Variants in ST3GAL1 observed in about 807,000 individuals in gnomAD.
ST3GAL1 encodes CMP-N-acetylneuraminate-beta-galactosamide-alpha-2,3-sialyltransferase 1.
ST3GAL1 carries 16 observed loss-of-function variants against 34.1 expected under a neutral mutation model. The observed-to-expected ratio is 0.47, with a 90% CI of 0.32 to 0.71. The LOEUF (loss-of-function observed/expected upper bound fraction) is 0.71, where lower values mean the gene tolerates loss of function less well. Among genes scored for constraint, ST3GAL1 ranks in the 30% least tolerant of loss-of-function variants. The probability of loss-of-function intolerance (pLI) is 0.04; values close to 1 mark genes in which losing one functional copy is unlikely to be tolerated. For synonymous variants in ST3GAL1, 191 were observed against 184.7 expected, an observed-to-expected ratio of 1.03 and a Z score of -0.28; for missense variants, 353 against 447.4, an observed-to-expected ratio of 0.79 and a Z score of 1.90.
intron 2 of ST3GAL1, among the ~76,000 whole-genome samples, chr8:133,524,076 G>A (rs1426300003): frequency 6.6e-6 from 1 of 152,058 alleles, no homozygotes; most frequent in Non-Finnish European, 1.5e-5. Flanking sequence ...GCCATTTCAT[G>A]GTTTTGTTAC....
chr8:133,460,493 T>C (rs1815457251), intron 9 of ST3GAL1, among the ~76,000 whole-genome samples: 1 of 152,212 alleles, frequency 6.6e-6, no homozygotes, highest in Admixed American at 6.5e-5. Flanking sequence ...ATTCATCTGG[T>C]CCAGGCGCCC....
chr8:133,477,900 C>A lies in ST3GAL1; in HGVS notation c.-373-1300G>T, dbSNP rs532940202. 3.3e-5 allele frequency among the ~76,000 whole-genome samples: 5 copies of A among 152,236 alleles called. No individual in the cohort carries two copies. The East Asian group carries it at 9.7e-4, about 29-fold the overall frequency. On this transcript the variant is annotated intron_variant, in intron 3 of 9. Coordinates refer to ENST00000522652, the MANE Select transcript of ST3GAL1 (RefSeq NM_173344.3). Reference sequence around the variant, plus strand: ...ATTAGAGTTGAAAGGAGATTGATCACCTTTTGGTAGAAAGGGGGACAGCTC... The same window carrying A: ...ATTAGAGTTGAAAGGAGATTGATCAACTTTTGGTAGAAAGGGGGACAGCTC...
intron 2 of ST3GAL1, among the ~76,000 whole-genome samples, chr8:133,543,763 G>A (rs1818599913): frequency 1.3e-5 from 2 of 151,696 alleles, no homozygotes; most frequent in Non-Finnish European, 2.9e-5. Flanking sequence ...ATAATAAGCT[G>A]GGAATGGACA....
chr8:133,564,474 T>C (rs1369310114), intron 1 of ST3GAL1, among the ~76,000 whole-genome samples: 1 of 151,746 alleles, frequency 6.6e-6, no homozygotes, highest in East Asian at 1.9e-4. Flanking sequence ...TTTAAATTTC[T>C]TGTCATTCTC....
chr8:133,497,631 C>T (rs1313403886), intron 3 of ST3GAL1, among the ~76,000 whole-genome samples: 1 of 151,922 alleles, frequency 6.6e-6, no homozygotes, highest in Non-Finnish European at 1.5e-5. Flanking sequence ...CGCCACCATG[C>T]CTGGCTAATT....
At chr8:133,536,776 C>T (rs765191064) in intron 2 of ST3GAL1, among the ~76,000 whole-genome samples, 4 of 152,206 alleles carry the variant, frequency 2.6e-5, no homozygotes, top group African/African-American at 4.8e-5. Flanking sequence ...TTTGAGTCCT[C>T]ACAGAACTCT....
chr8:133,507,577 A>T (rs1817382587), intron 2 of ST3GAL1, among the ~76,000 whole-genome samples: 1 of 152,198 alleles, frequency 6.6e-6, no homozygotes. Flanking sequence ...ATGAGATAAT[A>T]TAGGCCAAGT....
At chr8:133,485,175 G>C (rs896287046) in intron 3 of ST3GAL1, among the ~76,000 whole-genome samples, 9 of 152,188 alleles carry the variant, frequency 5.9e-5, no homozygotes, top group Non-Finnish European at 1.3e-4. Flanking sequence ...CCTAACTGCA[G>C]GGGCTGGAAG....
chr8:133,505,338 C>A (rs955507971), intron 2 of ST3GAL1, among the ~76,000 whole-genome samples: 6 of 152,076 alleles, frequency 3.9e-5, no homozygotes, highest in African/African-American at 1.4e-4. Flanking sequence ...TCACTTGCAG[C>A]CCATTATAAT....
chr8:133,537,889 T>C (rs1038339413), intron 2 of ST3GAL1, among the ~76,000 whole-genome samples: 3 of 152,206 alleles, frequency 2.0e-5, no homozygotes, highest in African/African-American at 7.2e-5. Context: ...GTCCGGTGCC[T>C]GACCTTTCTA....
rs1815718046 is a variant in ST3GAL1 at position 133,465,980 on chromosome 8, G to A, written c.417C>T (p.Cys139=). The part of the protein sequence containing the change: ...DPMLEKRSVG[C]RRCAVVGNSG... ...AGTTGCCCACAACGGCGCAGCGCCG[G>A]CAGCCCACCGACCTCTTCTCCAGCA... Residue 139 remains cysteine (C), a synonymous_variant, in exon 6 of 10, where the codon TGC becomes TGT. Coordinates refer to ENST00000522652, the MANE Select transcript of ST3GAL1 (RefSeq NM_173344.3). 46 of 1,614,068 alleles carry A rather than the reference G, an allele frequency of 2.8e-5. No homozygotes were observed. Among genetic ancestry groups the A allele is most frequent in the Non-Finnish European group, 3.7e-5 (44 of 1,180,028 alleles).
At chr8:133,552,693 C>T (rs541932405) in intron 1 of ST3GAL1, among the ~76,000 whole-genome samples, 8 of 152,168 alleles carry the variant, frequency 5.3e-5, no homozygotes, top group African/African-American at 1.9e-4. Context: ...AAGCTGTTCT[C>T]ACTTATAACC....
intron 2 of ST3GAL1, among the ~76,000 whole-genome samples, chr8:133,504,709 C>A (rs1266022354): frequency 6.6e-6 from 1 of 152,044 alleles, no homozygotes; most frequent in African/African-American, 2.4e-5. Context: ...CGAGAAGAGA[C>A]AGGGGAATTC....
intron 2 of ST3GAL1, among the ~76,000 whole-genome samples, chr8:133,539,221 G>A (rs920015399): frequency 3.3e-5 from 5 of 152,154 alleles, no homozygotes; most frequent in South Asian, 2.1e-4. Context: ...AAGTTCTTTC[G>A]CCCTGTTCCC....
intron 2 of ST3GAL1, among the ~76,000 whole-genome samples, chr8:133,505,353 G>A (rs1453728805): frequency 1.3e-5 from 2 of 152,152 alleles, no homozygotes; most frequent in South Asian, 4.1e-4. Context: ...TATAATAAAA[G>A]ATTGTGGTTC....
chr8:133,550,892 TCTCCA>T (rs1818818565), intron 1 of ST3GAL1, among the ~76,000 whole-genome samples: 1 of 152,148 alleles, frequency 6.6e-6, no homozygotes, highest in Non-Finnish European at 1.5e-5. Flanking sequence ...GAGAGTGTAT[TCTCCA>T]ATTTTGTGTC....
In ST3GAL1 at chr8:133,551,513, AGAAAGAAAGAAAGAGAAAGAAAGAGAAG is replaced by A. The variant is rs1320448415; in HGVS notation, c.-581-5615_-581-5588del. On this transcript the variant is annotated intron_variant, in intron 1 of 9. Transcript: ENST00000522652. ...AAGAGAAAGAAAGAGACAGAAAGAC[AGAAAGAAAGAAAGAGAAAGAAAGAGAAG>A]GAAAGAAAGAAAGAAAGAAAGAAAG... is the stretch of plus-strand genomic sequence containing the variant. Among the ~76,000 whole-genome samples, 61 of 145,176 alleles carry A rather than the reference AGAAAGAAAGAAAGAGAAAGAAAGAGAAG, an allele frequency of 4.2e-4. 1 individual carries two copies. The highest frequency in any genetic ancestry group is 1.5e-3 in the African/African-American group (55 of 35,652).
rs1563733857 is a variant in ST3GAL1 at position 133,540,748 on chromosome 8, T to TATATATATATATAGAC, written c.-429+5010_-429+5025dup. On this transcript the variant is annotated intron_variant, in intron 2 of 9. Transcript: ENST00000522652. ...ATAGACATATATATATATATAGACA[T>TATATATATATATAGAC]ATATATATATATAGACATATATATA... Among the ~76,000 whole-genome samples, 214 of 56,382 alleles carry TATATATATATATAGAC rather than the reference T, an allele frequency of 3.8e-3. 11 individuals carry two copies. The highest frequency in any genetic ancestry group is 0.017 in the African/African-American group (202 of 11,794). The allele number at this position is 56,382 out of a possible 152,430, so 37.0% of individuals were successfully genotyped here. A position where few individuals can be genotyped will look rare whatever the true frequency, so the allele number is the denominator to read the frequency against.
Position 133,461,829 on chromosome 8 carries a change from C to G in ST3GAL1, c.849+46G>C. The G allele has an allele frequency of 6.2e-7, 1 of 1,610,870 alleles. No individual in the cohort carries two copies. The highest frequency in any genetic ancestry group is 8.5e-7 in the Non-Finnish European group (1 of 1,178,116). On this transcript the variant is annotated intron_variant, in intron 9 of 9. Coordinates refer to ENST00000522652, the MANE Select transcript of ST3GAL1 (RefSeq NM_173344.3). The surrounding 1 kb of genome is among the most constrained non-coding windows in gnomAD (Gnocchi z 4.7). ...CCTGGCCTCTCTTGGGAACACAGGA[C>G]GGTGAGCTTCGAGGCAGCCCTGTGG...
Sources: allele counts gnomAD v4.1 joint callset (sites outside exome capture counted in the v4.1 genomes callset), GRCh38; gene constraint gnomAD v4.1.1; non-coding constraint Gnocchi (gnomAD v3.1); transcripts MANE v1.5; gene names NCBI Gene and HGNC (gene_info 2026-07-23, HGNC 2026-07-21).